Variants in AP3D1 observed in about 807,000 individuals in gnomAD.
AP3D1 encodes the protein AP-3 complex subunit delta-1.
A neutral mutation model predicts 147.6 loss-of-function variants in AP3D1; 51 were observed. The ratio of observed to expected loss-of-function variants is 0.35; its 90% CI spans 0.28 to 0.44. The LOEUF is 0.44. AP3D1 is among the 20% of genes least tolerant of loss of function. The probability of loss-of-function intolerance (pLI) is 1.00; values close to 1 mark genes in which losing one functional copy is unlikely to be tolerated. For synonymous variants in AP3D1, 760 were observed against 663.0 expected (o/e 1.15, Z -2.25); for missense variants, 1,421 against 1,624.2 (o/e 0.87, Z 2.15).
chr19:2,119,583 C>T (rs1186116021), intron 14 of AP3D1, among the ~76,000 whole-genome samples: 1 of 151,368 alleles, frequency 6.6e-6, no homozygotes, highest in Non-Finnish European at 1.5e-5. Context: ...GTAGTCCCAG[C>T]TACTTGCGAG....
intron 22 of AP3D1, 63 bp from the exon 23 acceptor site, chr19:2,113,476 GA>G: frequency 9.6e-7 from 1 of 1,044,298 alleles, no homozygotes; most frequent in Non-Finnish European, 1.3e-6. Flanking sequence ...AGGGGACGGG[GA>G]CAGCAGGGCC....
At chr19:2,136,103 T>C (rs2159213) in intron 4 of AP3D1, among the ~76,000 whole-genome samples, 75,840 of 151,188 alleles carry the variant, frequency 0.5, 19,084 homozygotes, top group African/African-American at 0.52. Context: ...TCCTGCTACA[T>C]GGCCATGACC....
intron 1 of AP3D1, among the ~76,000 whole-genome samples, chr19:2,162,092 G>A (rs2019709283): frequency 6.9e-6 from 1 of 145,256 alleles, no homozygotes; most frequent in Non-Finnish European, 1.5e-5. Flanking sequence ...CTGGAGTGCA[G>A]TGGCACGATC....
chr19:2,114,884 T>C, intron 20 of AP3D1, 63 bp from the exon 21 acceptor site: 1 of 1,568,362 alleles, frequency 6.4e-7, no homozygotes, highest in Non-Finnish European at 8.8e-7. Flanking sequence ...GAACGCCATC[T>C]ATCTGGGACG....
At chr19:2,150,398 C>A (rs1284728453) in intron 1 of AP3D1, among the ~76,000 whole-genome samples, 1 of 152,226 alleles carries the variant, frequency 6.6e-6, no homozygotes, top group Non-Finnish European at 1.5e-5. Flanking sequence ...CTTCTTCAAT[C>A]TAGGTCACAG....
rs548076037 is a variant in AP3D1 at position 2,138,850 on chromosome 19, G to A, written c.97-136C>T. On this transcript the variant is annotated intron_variant, in intron 1 of 31. Transcript: ENST00000643116. ...GCCGAGGCAGGCAGATCACGAGGTC[G>A]GGAGTTTGAGATCATCCTGGCCAAC... 1.2e-4 allele frequency: 71 copies of A among 594,068 alleles called. 2 individuals are homozygous for A. The highest frequency in any genetic ancestry group is 5.0e-4 in the South Asian group (30 of 59,774). 36.8% of individuals were successfully genotyped at this position (594,068 alleles called of 1,614,324 possible).
upstream of AP3D1, among the ~76,000 whole-genome samples, chr19:2,152,745 A>G (rs924491247): frequency 8.1e-5 from 12 of 148,310 alleles, no homozygotes; most frequent in African/African-American, 3.0e-4. Flanking sequence ...GCGTGGTGGC[A>G]TGCACCTGTA....
rs774164691 is a variant in AP3D1 at position 2,151,360 on chromosome 19, C to T, written c.-26G>A. ...CGCGGCGGCCCACGGGCTTTTGCCT[C>T]GGGAGGCCCGCGGCTGGGCGCCGTG... On this transcript the variant is annotated 5_prime_UTR_variant, in exon 1 of 32. Coordinates refer to ENST00000643116, the MANE Select transcript of AP3D1 (RefSeq NM_001261826.3). The T allele has an allele frequency of 1.3e-5, 19 of 1,506,858 alleles. 1 individual carries two copies. In the South Asian group the frequency reaches 2.2e-4, roughly 18 times the overall value. The allele number at this position is 1,506,858 out of a possible 1,614,324, so 93.3% of individuals were successfully genotyped here. A position where few individuals can be genotyped will look rare whatever the true frequency, so the allele number is the denominator to read the frequency against.
chr19:2,140,273 C>T (rs749512911), intron 1 of AP3D1, among the ~76,000 whole-genome samples: 2 of 152,146 alleles, frequency 1.3e-5, no homozygotes, highest in Admixed American at 6.6e-5. Flanking sequence ...GGTTCCTCCA[C>T]GGTTCCATGT....
intron 31 of AP3D1, among the ~76,000 whole-genome samples, chr19:2,105,695 G>A (rs141052110): frequency 0.011 from 1,716 of 152,172 alleles, 18 homozygotes; most frequent in Non-Finnish European, 0.017. Flanking sequence ...TTCCTCTAGC[G>A]CCACTGGGTT....
At chr19:2,106,019 C>T (rs1341264087) in intron 31 of AP3D1, among the ~76,000 whole-genome samples, 1 of 152,002 alleles carries the variant, frequency 6.6e-6, no homozygotes, top group Non-Finnish European at 1.5e-5. Flanking sequence ...ATCGCTTGAA[C>T]CCGGGAGGAG....
In AP3D1 at chr19:2,101,186, G is replaced by C. The variant is rs1210463420; in HGVS notation, c.*987C>G. 1 of 152,602 alleles carries C rather than the reference G, an allele frequency of 6.6e-6. No individual in the cohort carries two copies. The highest frequency in any genetic ancestry group is 2.4e-5 in the African/African-American group (1 of 41,448). 9.5% of individuals were successfully genotyped at this position (152,602 alleles called of 1,614,324 possible). On this transcript the variant is annotated 3_prime_UTR_variant, in exon 32 of 32. Coordinates refer to ENST00000643116, the MANE Select transcript of AP3D1 (RefSeq NM_001261826.3). ...GCTAAAGTGACAGTTTTCATCAAAA[G>C]GAGAAGATAAAATGTCATTATCTCT... is the stretch of plus-strand genomic sequence containing the variant.
chr19:2,109,846 A>C (rs1238407778), intron 29 of AP3D1, 27 bp downstream of exon 29: 3 of 1,608,398 alleles, frequency 1.9e-6, no homozygotes, highest in Non-Finnish European at 2.6e-6. Flanking sequence ...GGGTTCGGGG[A>C]CATAGGGGAG....
At position 2,151,399 on chromosome 19, in the gene AP3D1, C is replaced by T. The variant is rs2019507369; in HGVS notation, c.-65G>A. 4 of 1,085,662 alleles carry T rather than the reference C, an allele frequency of 3.7e-6. No individual in the cohort carries two copies. Among genetic ancestry groups the T allele is most frequent in the Non-Finnish European group, 4.7e-6 (4 of 856,980 alleles). The allele number at this position is 1,085,662 out of a possible 1,614,324, so 67.3% of individuals were successfully genotyped here. A position where few individuals can be genotyped will look rare whatever the true frequency, so the allele number is the denominator to read the frequency against. On this transcript the variant is annotated 5_prime_UTR_variant, in exon 1 of 32. Coordinates refer to ENST00000643116, the MANE Select transcript of AP3D1 (RefSeq NM_001261826.3). ...CTGGGCGCCGTGAGGGGGCCCGGGGCCCGTGCCTGCCGCCCGCGGAGCGCC... is the reference window on the plus strand; with the variant it reads ...CTGGGCGCCGTGAGGGGGCCCGGGGTCCGTGCCTGCCGCCCGCGGAGCGCC...
chr19:2,118,580 A>G (rs1373774228), intron 15 of AP3D1, 21 bp downstream of exon 15: 3 of 1,597,632 alleles, frequency 1.9e-6, no homozygotes, highest in African/African-American at 1.3e-5. Flanking sequence ...GCTCGGCCCA[A>G]CACGGAGTGT....
chr19:2,104,667 T>A (rs1440052976), intron 31 of AP3D1, among the ~76,000 whole-genome samples: 4 of 104,156 alleles, frequency 3.8e-5, no homozygotes, highest in African/African-American at 1.0e-4. Flanking sequence ...CTGACACAAG[T>A]TTTTTTTTTT....
chr19:2,117,064 C>A, intron 16 of AP3D1, 158 bp downstream of exon 16: 1 of 958,622 alleles, frequency 1.0e-6, no homozygotes. Context: ...CAGTGAGAGA[C>A]CTGGTGAGTC....
chr19:2,109,210 G>A lies in AP3D1; in HGVS notation c.3351-3C>T, dbSNP rs919731126. ...CCAGCAACTTAGCAAAGGCGTCACT[G>A]TGGGAGGGACAGGGAGGCTGACTGC... On this transcript the variant is annotated splice_region_variant and splice_polypyrimidine_tract_variant and intron_variant, in intron 29 of 31. Transcript: ENST00000643116. The A allele has an allele frequency of 6.3e-7, 1 of 1,588,776 alleles. No individual in the cohort carries two copies. Among genetic ancestry groups the A allele is most frequent in the African/African-American group, 1.4e-5 (1 of 73,672 alleles).
At chr19:2,130,338 C>T in intron 6 of AP3D1, 70 bp downstream of exon 6, 1 of 1,602,196 alleles carries the variant, frequency 6.2e-7, no homozygotes, top group Non-Finnish European at 8.5e-7. Context: ...CAAAACACGC[C>T]ACCACCTCTT....
Sources: allele counts gnomAD v4.1 joint callset (sites outside exome capture counted in the v4.1 genomes callset), GRCh38; gene constraint gnomAD v4.1.1; transcripts MANE v1.5; gene names NCBI Gene and HGNC (gene_info 2026-07-23, HGNC 2026-07-21).